OSTF1: variants seen among roughly 807,000 people sequenced by gnomAD.
The protein encoded by OSTF1 is osteoclast-stimulating factor 1.
In OSTF1, 27 loss-of-function variants were observed where a neutral mutation model predicts 37.2. The observed-to-expected ratio is 0.73, with a 90% CI of 0.54 to 1.00. The LOEUF is 1.00. Among genes scored for constraint, OSTF1 ranks in the 50% least tolerant of loss-of-function variants. The pLI, the probability that OSTF1 is intolerant of heterozygous loss-of-function variation, is 0.00. For synonymous variants in OSTF1, 82 were observed against 89.2 expected (o/e 0.92, Z 0.46); for missense variants, 232 against 253.8 (o/e 0.91, Z 0.58).
intron 1 of OSTF1, among the ~76,000 whole-genome samples, chr9:75,098,339 T>C (rs1825125485): frequency 6.6e-6 from 1 of 152,094 alleles, no homozygotes; most frequent in African/African-American, 2.4e-5. Flanking sequence ...TGGGAAAGGA[T>C]AGGATGAGGG....
chr9:75,089,304 G>T (rs1194774191), intron 1 of OSTF1, among the ~76,000 whole-genome samples: 1 of 150,724 alleles, frequency 6.6e-6, no homozygotes, highest in East Asian at 1.9e-4. Context: ...AAGAATCTAG[G>T]ATGCGGCAGT....
chr9:75,134,814 T>C (rs1217320695), intron 7 of OSTF1, among the ~76,000 whole-genome samples: 5 of 152,220 alleles, frequency 3.3e-5, no homozygotes, highest in African/African-American at 1.2e-4. Context: ...TATTACTATA[T>C]AATATTTACT....
intron 1 of OSTF1, among the ~76,000 whole-genome samples, chr9:75,115,638 TTTTTTTGTTTTTTTTTTG>T (rs1825474311): frequency 1.4e-5 from 1 of 72,108 alleles, no homozygotes; most frequent in Admixed American, 1.3e-4. Context: ...GGACCCCCCC[TTTTTTTGTTTTTTTTTTG>T]TTTTTTGTTT....
intron 3 of OSTF1, among the ~76,000 whole-genome samples, chr9:75,129,433 C>G (rs1265343570): frequency 2.0e-5 from 3 of 152,136 alleles, no homozygotes; most frequent in Non-Finnish European, 4.4e-5. Context: ...TAGAATGTCA[C>G]CATCTTGCAG....
At chr9:75,108,534 G>A (rs1825330678) in intron 1 of OSTF1, among the ~76,000 whole-genome samples, 1 of 151,956 alleles carries the variant, frequency 6.6e-6, no homozygotes, top group East Asian at 1.9e-4. Flanking sequence ...TAATGAGTCC[G>A]AATTTTAAGT....
chr9:75,123,356 G>A (rs1040282894), intron 2 of OSTF1, among the ~76,000 whole-genome samples: 20 of 152,192 alleles, frequency 1.3e-4, no homozygotes, highest in Non-Finnish European at 2.8e-4. Context: ...CTTGGGGGGC[G>A]GAGCCTGCAG....
intron 1 of OSTF1, among the ~76,000 whole-genome samples, chr9:75,096,856 T>C (rs540072997): frequency 1.3e-5 from 2 of 152,316 alleles, no homozygotes; most frequent in East Asian, 3.9e-4. Context: ...TCCAGAAGAT[T>C]TGGAGGATCT....
chr9:75,139,576 G>A (rs1587478430), intron 8 of OSTF1, among the ~76,000 whole-genome samples: 1 of 152,158 alleles, frequency 6.6e-6, no homozygotes, highest in Admixed American at 6.5e-5. Context: ...TTACAGGCAT[G>A]CGCCACCACA....
chr9:75,096,054 G>A (rs1419083120), intron 1 of OSTF1, among the ~76,000 whole-genome samples: 1 of 152,124 alleles, frequency 6.6e-6, no homozygotes, highest in African/African-American at 2.4e-5. Flanking sequence ...ACCACGCCTG[G>A]CTAATTTTTG....
chr9:75,105,825 C>T (rs1208083358), intron 1 of OSTF1, among the ~76,000 whole-genome samples: 1 of 152,148 alleles, frequency 6.6e-6, no homozygotes, highest in Non-Finnish European at 1.5e-5. Flanking sequence ...TCAAACCCCG[C>T]TCTCTGGGAT....
At chr9:75,132,036 A>C (rs1193880074) in intron 5 of OSTF1, among the ~76,000 whole-genome samples, 1 of 152,224 alleles carries the variant, frequency 6.6e-6, no homozygotes, top group Non-Finnish European at 1.5e-5. Flanking sequence ...GTGTGATTTT[A>C]GTTTTAAAAT....
chr9:75,098,360 G>A (rs1023408875), intron 1 of OSTF1, among the ~76,000 whole-genome samples: 7 of 152,114 alleles, frequency 4.6e-5, no homozygotes, highest in African/African-American at 7.2e-5. Flanking sequence ...TTAGGAAGGG[G>A]GCATAATGTA....
At chr9:75,138,607 T>C (rs905855549) in intron 8 of OSTF1, among the ~76,000 whole-genome samples, 2 of 152,216 alleles carry the variant, frequency 1.3e-5, no homozygotes, top group Admixed American at 6.5e-5. Context: ...ATTTCAGATA[T>C]GCTGGGTTAA....
intron 1 of OSTF1, among the ~76,000 whole-genome samples, chr9:75,114,167 G>A (rs1276508118): frequency 6.6e-6 from 1 of 152,300 alleles, no homozygotes; most frequent in Admixed American, 6.5e-5. Flanking sequence ...GTGTGTGTGT[G>A]TGTGTGTATG....
chr9:75,125,730 T>C (rs1825651048), intron 2 of OSTF1, among the ~76,000 whole-genome samples: 2 of 152,356 alleles, frequency 1.3e-5, no homozygotes, highest in Admixed American at 6.5e-5. Context: ...TAAAGCATGT[T>C]ATTGCTGATA....
chr9:75,117,868 C>G (rs1825517269), intron 2 of OSTF1, among the ~76,000 whole-genome samples: 1 of 152,250 alleles, frequency 6.6e-6, no homozygotes, highest in Non-Finnish European at 1.5e-5. Context: ...TACTAACCTT[C>G]CTTCATTCTC....
intron 1 of OSTF1, among the ~76,000 whole-genome samples, chr9:75,112,073 T>G (rs1825401145): frequency 6.6e-6 from 1 of 150,846 alleles, no homozygotes; most frequent in Non-Finnish European, 1.5e-5. Context: ...TCTGCCCACC[T>G]CAGCCTGGCT....
At chr9:75,120,536 T>A (rs7868101) in intron 2 of OSTF1, among the ~76,000 whole-genome samples, 8 of 151,956 alleles carry the variant, frequency 5.3e-5, no homozygotes, top group African/African-American at 1.9e-4. Context: ...GAGGTGACTC[T>A]TGACTCTATC....
chr9:75,130,711 G>C (rs1461024378), intron 4 of OSTF1, 70 bp downstream of exon 4: 3 of 916,758 alleles, frequency 3.3e-6, no homozygotes, highest in Non-Finnish European at 5.5e-6. Context: ...ATGCTTTTCT[G>C]CTTGCTACTG....
Sources: allele counts gnomAD v4.1 joint callset (sites outside exome capture counted in the v4.1 genomes callset), GRCh38; gene constraint gnomAD v4.1.1; transcripts MANE v1.5; gene names NCBI Gene and HGNC (gene_info 2026-07-23, HGNC 2026-07-21).